Variants in PDPR observed in about 807,000 individuals in gnomAD.
PDPR encodes pyruvate dehydrogenase phosphatase regulatory subunit, mitochondrial.
PDPR carries 50 observed loss-of-function variants against 102.2 expected under a neutral mutation model. The ratio of observed to expected loss-of-function variants is 0.49; its 90% CI spans 0.39 to 0.62. PDPR has a LOEUF of 0.62. PDPR is among the 20% of genes least tolerant of loss of function. The pLI, the probability that PDPR is intolerant of heterozygous loss-of-function variation, is 0.00. For missense variants in PDPR, 625 were observed against 1,098.2 expected (o/e 0.57, Z 6.09); for synonymous variants, 259 against 406.0 (o/e 0.64, Z 4.35).
rs369190336 is a variant in PDPR at position 70,132,323 on chromosome 16, G to A, written c.997+23G>A. 9.3e-5 allele frequency: 148 copies of A among 1,592,078 alleles called. No homozygotes were observed. The Middle Eastern group carries it at 1.2e-3, about 13-fold the overall frequency. Reference sequence around the variant, plus strand: ...TTGGTATGTGAACTGCATTATAACCGTAGTGCCTTATATTTGTTTAAGATG... The same window carrying A: ...TTGGTATGTGAACTGCATTATAACCATAGTGCCTTATATTTGTTTAAGATG... On this transcript the variant is annotated intron_variant, in intron 9 of 18. Transcript: ENST00000288050.
In PDPR at chr16:70,127,253, C is replaced by G. The variant is rs372165195; in HGVS notation, c.228-7C>G. ...CTACCTAATAGCATTTTGCATCCAT[C>G]CTGCAGGCTGGCTGCTGGCTCTACC... On this transcript the variant is annotated splice_polypyrimidine_tract_variant and splice_region_variant and intron_variant, in intron 3 of 18. Coordinates refer to ENST00000288050, the MANE Select transcript of PDPR (RefSeq NM_017990.5). The G allele has an allele frequency of 1.9e-6, 3 of 1,589,114 alleles. No homozygotes were observed. The highest frequency in any genetic ancestry group is 2.6e-6 in the Non-Finnish European group (3 of 1,168,852).
At chr16:70,150,629 T>C (rs1373117017) in intron 17 of PDPR, among the ~76,000 whole-genome samples, 1 of 151,740 alleles carries the variant, frequency 6.6e-6, no homozygotes, top group African/African-American at 2.4e-5. Flanking sequence ...TGCCTCAGCC[T>C]CCTGAATAGC....
rs879175117 is a variant in PDPR, at chr16:70,157,343, G to T, written c.*464G>T. On this transcript the variant is annotated 3_prime_UTR_variant, in exon 19 of 19. Transcript: ENST00000288050. ...CCGTGTGTCGGATGCAGCCCTGAGG[G>T]GCAGCTCGTGCCTGCAGCCCGGCAG... is the stretch of plus-strand genomic sequence containing the variant. 4 of 380,166 alleles carry T rather than the reference G, an allele frequency of 1.1e-5. No individual in the cohort carries two copies. Among genetic ancestry groups the T allele is most frequent in the Admixed American group, 6.6e-5 (2 of 30,140 alleles). 23.5% of individuals were successfully genotyped at this position (380,166 alleles called of 1,614,324 possible).
intron 15 of PDPR, among the ~76,000 whole-genome samples, 155 bp downstream of exon 15, chr16:70,144,688 G>C (rs1966067533): frequency 6.6e-6 from 1 of 152,268 alleles, no homozygotes; most frequent in Non-Finnish European, 1.5e-5. Flanking sequence ...GGGATGCGGT[G>C]GCTGACACCT....
intron 11 of PDPR, among the ~76,000 whole-genome samples, chr16:70,140,160 AC>A (rs1279694571): frequency 6.6e-6 from 1 of 152,204 alleles, no homozygotes; most frequent in African/African-American, 2.4e-5. Flanking sequence ...ACGTAGCGAA[AC>A]CCTGTCTCTA....
intron 2 of PDPR, among the ~76,000 whole-genome samples, chr16:70,119,877 A>C (rs1447879035): frequency 6.8e-6 from 1 of 148,070 alleles, no homozygotes; most frequent in Non-Finnish European, 1.5e-5. Context: ...GAAACTCAGA[A>C]TGCCCTCAAA....
At chr16:70,120,881 A>G (rs932279876) in intron 3 of PDPR, among the ~76,000 whole-genome samples, 162 bp downstream of exon 3, 3 of 151,884 alleles carry the variant, frequency 2.0e-5, no homozygotes, top group African/African-American at 7.3e-5. Flanking sequence ...AAGGATGACT[A>G]ATAATGCTCA....
At chr16:70,129,761 C>T (rs770013237) in intron 6 of PDPR, among the ~76,000 whole-genome samples, 65 of 152,242 alleles carry the variant, frequency 4.3e-4, no homozygotes, top group Non-Finnish European at 8.4e-4. Flanking sequence ...AGCCCAGTTG[C>T]ATTGAATGAG....
At chr16:70,140,122 G>C (rs1485814412) in intron 11 of PDPR, among the ~76,000 whole-genome samples, 1 of 152,262 alleles carries the variant, frequency 6.6e-6, no homozygotes, top group Admixed American at 6.5e-5. Context: ...GGTCACTTGA[G>C]GTCAGGAGTT....
At chr16:70,136,803 CATGAT>C (rs1965186645) in intron 10 of PDPR, among the ~76,000 whole-genome samples, 3 of 152,214 alleles carry the variant, frequency 2.0e-5, no homozygotes, top group African/African-American at 7.2e-5. Context: ...AATGCAGTGA[CATGAT>C]CTCAGGTCAC....
intron 11 of PDPR, among the ~76,000 whole-genome samples, chr16:70,139,753 C>G (rs1163886481): frequency 6.6e-6 from 1 of 152,230 alleles, no homozygotes; most frequent in Non-Finnish European, 1.5e-5. Flanking sequence ...TTTCATTTTC[C>G]TGTACTGAGG....
At chr16:70,138,792 T>C (rs1965425565) in intron 10 of PDPR, 107 bp from the exon 11 acceptor site, 1 of 1,582,616 alleles carries the variant, frequency 6.3e-7, no homozygotes, top group Non-Finnish European at 8.6e-7. Flanking sequence ...ATTCAGCTGG[T>C]CTATGGCAAT....
Position 70,142,569 on chromosome 16 carries a change from G to C in PDPR, c.1488G>C (p.Glu496Asp). Residue 496 changes from glutamate to aspartate, a missense_variant, in exon 13 of 19, where the codon GAG becomes GAC. Glu to Asp is a conservative substitution (Grantham distance 45). This residue lies in a region of PDPR where 34 missense variants were observed against 76.6 expected (regional missense o/e 0.44). Transcript: ENST00000288050. ...ATTCCGTAGACCTCCTGGCATTGGA[G>C]CAGAGCAAGACTTTCTATAAGCCAG... ...VPPDKDLLAL[E>D]QSKTFYKPDW... The C allele has an allele frequency of 6.2e-7, 1 of 1,613,972 alleles. No homozygotes were observed.
intron 10 of PDPR, among the ~76,000 whole-genome samples, chr16:70,137,313 G>A (rs1336435065): frequency 7.2e-5 from 11 of 152,192 alleles, no homozygotes; most frequent in African/African-American, 1.9e-4. Context: ...CCGAGATTGC[G>A]CCACTGCACT....
chr16:70,123,985 G>A (rs1419534072), intron 3 of PDPR, among the ~76,000 whole-genome samples: 1 of 152,182 alleles, frequency 6.6e-6, no homozygotes, highest in Non-Finnish European at 1.5e-5. Context: ...AATCCAGGAG[G>A]CGGAGGATGC....
chr16:70,155,641 T>TGGGG (rs1967074242), intron 18 of PDPR, among the ~76,000 whole-genome samples: 1 of 152,210 alleles, frequency 6.6e-6, no homozygotes, highest in Non-Finnish European at 1.5e-5. Flanking sequence ...CCCCCCGCCT[T>TGGGG]AGCCTCCCAA....
intron 3 of PDPR, among the ~76,000 whole-genome samples, chr16:70,124,680 C>T (rs1339810946): frequency 3.9e-5 from 6 of 152,250 alleles, no homozygotes; most frequent in South Asian, 2.1e-4. Context: ...CCAGCAGAGA[C>T]GTCACCAGAG....
chr16:70,119,540 C>T (rs974750897), intron 2 of PDPR, among the ~76,000 whole-genome samples: 44 of 149,100 alleles, frequency 3.0e-4, no homozygotes, highest in Non-Finnish European at 5.9e-4. Flanking sequence ...CTCCCCGTGT[C>T]GTGTACATGC....
intron 3 of PDPR, among the ~76,000 whole-genome samples, chr16:70,125,398 A>AAAC (rs56891998): frequency 6.8e-6 from 1 of 147,090 alleles, no homozygotes; most frequent in African/African-American, 2.5e-5. Context: ...AAACAAAAAA[A>AAAC]CAAAAATTAG....
Sources: allele counts gnomAD v4.1 joint callset (sites outside exome capture counted in the v4.1 genomes callset), GRCh38; gene constraint gnomAD v4.1.1; regional missense constraint gnomAD v4.1.1; transcripts MANE v1.5; gene names NCBI Gene and HGNC (gene_info 2026-07-23, HGNC 2026-07-21).